The following SYT1 variants were observed in gnomAD, a reference collection of about 807,000 sequenced individuals.
SYT1 encodes synaptotagmin-1.
Under a neutral mutation model 44.8 loss-of-function variants are expected in SYT1, and 8 were observed. The observed-to-expected ratio is 0.18, with a 90% confidence interval of 0.10 to 0.32. The LOEUF (loss-of-function observed/expected upper bound fraction) is 0.32, where lower values mean the gene tolerates loss of function less well. Ranked by LOEUF, SYT1 falls within the 10% of genes least tolerant of loss-of-function variation. The pLI is 1.00. For missense variants in SYT1, 286 were observed against 509.3 expected (o/e 0.56, Z 4.22); for synonymous variants, 154 against 188.8 (o/e 0.82, Z 1.51).
chr12:79,110,956 T>C (rs895602311), intron 3 of SYT1, among the ~76,000 whole-genome samples: 9 of 152,154 alleles, frequency 5.9e-5, no homozygotes, highest in African/African-American at 2.2e-4. Flanking sequence ...AAAAAAGTGA[T>C]GAAGTTGGAT....
chr12:79,027,381 T>A (rs1872599448), intron 2 of SYT1, among the ~76,000 whole-genome samples: 1 of 151,562 alleles, frequency 6.6e-6, no homozygotes, highest in Non-Finnish European at 1.5e-5. Context: ...AATGAGTCCA[T>A]GAGAGTGAGG....
chr12:79,079,637 C>A (rs530916215), intron 3 of SYT1, among the ~76,000 whole-genome samples: 1 of 151,958 alleles, frequency 6.6e-6, no homozygotes, highest in East Asian at 1.9e-4. Context: ...TTTTTTCTTT[C>A]ATTGTAGCAA....
At chr12:79,046,454 A>G (rs1172103915) in intron 2 of SYT1, 1 of 152,170 alleles carries the variant, frequency 6.6e-6, no homozygotes, top group Non-Finnish European at 1.5e-5. Flanking sequence ...ATAAAAAGGT[A>G]CTTGTCTGTA....
intron 3 of SYT1, among the ~76,000 whole-genome samples, chr12:79,138,816 G>A (rs959518356): frequency 2.0e-5 from 3 of 152,108 alleles, no homozygotes; most frequent in Non-Finnish European, 4.4e-5. Flanking sequence ...TATTTTGCAA[G>A]GCTTTCACAT....
chr12:78,986,964 A>G (rs1869684339), intron 2 of SYT1, among the ~76,000 whole-genome samples: 1 of 152,080 alleles, frequency 6.6e-6, no homozygotes, highest in Non-Finnish European at 1.5e-5. Flanking sequence ...CTAAAGTTTT[A>G]TGAAGCATCA....
chr12:79,019,072 A>G (rs1051354558), intron 2 of SYT1, among the ~76,000 whole-genome samples: 1 of 152,016 alleles, frequency 6.6e-6, no homozygotes, highest in Non-Finnish European at 1.5e-5. Flanking sequence ...CCTCAATTTT[A>G]TATTTCTTTA....
chr12:79,179,954 T>C (rs1872417090), intron 3 of SYT1, among the ~76,000 whole-genome samples: 1 of 152,096 alleles, frequency 6.6e-6, no homozygotes, highest in African/African-American at 2.4e-5. Context: ...TCTATCAGAA[T>C]TTACTCAACC....
At chr12:79,260,940 G>A (rs1293273273) in intron 4 of SYT1, among the ~76,000 whole-genome samples, 6 of 152,156 alleles carry the variant, frequency 3.9e-5, no homozygotes, top group Middle Eastern at 3.4e-3. Flanking sequence ...TGGTGAGTCC[G>A]TCTACCTGCA....
intron 4 of SYT1, among the ~76,000 whole-genome samples, chr12:79,256,245 A>G (rs1030139877): frequency 2.0e-5 from 3 of 152,224 alleles, no homozygotes; most frequent in Admixed American, 6.5e-5. Flanking sequence ...TATTTTCTCT[A>G]CTAATATTTG....
chr12:79,230,575 G>T (rs1306727565), intron 4 of SYT1, among the ~76,000 whole-genome samples: 1 of 152,090 alleles, frequency 6.6e-6, no homozygotes, highest in Non-Finnish European at 1.5e-5. Context: ...AAACAAATGT[G>T]CAGTAGGACT....
chr12:79,316,847 C>G (rs1307201109), intron 8 of SYT1, among the ~76,000 whole-genome samples: 1 of 152,162 alleles, frequency 6.6e-6, no homozygotes, highest in Non-Finnish European at 1.5e-5. Context: ...CATCTTAGCA[C>G]TTTTGCACAT....
At chr12:79,109,979 C>A (rs1016896819) in intron 3 of SYT1, among the ~76,000 whole-genome samples, 2 of 152,210 alleles carry the variant, frequency 1.3e-5, no homozygotes, top group African/African-American at 4.8e-5. Context: ...AAATTAGTCT[C>A]ATATGATTCA....
chr12:79,048,012 C>A (rs1874200393), intron 3 of SYT1, among the ~76,000 whole-genome samples: 1 of 151,674 alleles, frequency 6.6e-6, no homozygotes, highest in Non-Finnish European at 1.5e-5. Flanking sequence ...TTTCAAGATG[C>A]AGGCAATTAT....
intron 3 of SYT1, among the ~76,000 whole-genome samples, chr12:79,184,736 A>G (rs1169193197): frequency 6.6e-6 from 1 of 152,060 alleles, no homozygotes. Context: ...AGCTCTTTCC[A>G]AGTCAAATAT....
At chr12:78,885,798 C>T (rs1874717839) in intron 1 of SYT1, among the ~76,000 whole-genome samples, 1 of 151,924 alleles carries the variant, frequency 6.6e-6, no homozygotes, top group Non-Finnish European at 1.5e-5. Context: ...AGTAACACAT[C>T]CAACTTTGAT....
At chr12:78,884,530 T>A (rs1015957655) in intron 1 of SYT1, among the ~76,000 whole-genome samples, 5 of 151,730 alleles carry the variant, frequency 3.3e-5, no homozygotes, top group Admixed American at 6.6e-5. Context: ...TCTTTCATAC[T>A]GCAAAGTATC....
At chr12:78,954,660 T>A (rs1390524636) in intron 1 of SYT1, among the ~76,000 whole-genome samples, 1 of 152,096 alleles carries the variant, frequency 6.6e-6, no homozygotes, top group East Asian at 1.9e-4. Context: ...AATGGTATAC[T>A]ATGATGAATA....
intron 4 of SYT1, among the ~76,000 whole-genome samples, chr12:79,224,899 C>T (rs1592870580): frequency 6.6e-6 from 1 of 151,696 alleles, no homozygotes; most frequent in East Asian, 1.9e-4. Context: ...TCTGCCTCAG[C>T]CTCCCAAGTA....
At position 79,431,887 on chromosome 12, in the gene SYT1, C is replaced by G. The variant is rs1011519896; in HGVS notation, c.929-12186C>G. 2.6e-5 allele frequency among the ~76,000 whole-genome samples: 4 copies of G among 152,130 alleles called. No homozygotes were observed. The East Asian group carries it at 7.7e-4, about 29-fold the overall frequency. On this transcript the variant is annotated intron_variant, in intron 9 of 10. Transcript: ENST00000261205. ...CCCCATAGTTTATTTTTATTTTCTC[C>G]TTCTAATATTGTAAGAAAACTAGAT...
Sources: gnomAD v4.1 joint callset for allele counts (sites outside exome capture counted in the v4.1 genomes callset) on GRCh38, gnomAD v4.1.1 for gene constraint, MANE v1.5 for transcripts, NCBI Gene and HGNC (gene_info 2026-07-23, HGNC 2026-07-21) for gene names.